Variants in ANO2 observed in about 807,000 individuals in gnomAD.
The protein encoded by ANO2 is anoctamin-2.
A neutral mutation model predicts 124.2 loss-of-function variants in ANO2; 101 were observed. That is an observed-to-expected ratio of 0.81 (90% CI 0.69 to 0.96). The LOEUF (loss-of-function observed/expected upper bound fraction) is 0.96, where lower values mean the gene tolerates loss of function less well. Among genes scored for constraint, ANO2 ranks in the 40% least tolerant of loss-of-function variants. ANO2 has a pLI of 0.00. For synonymous variants in ANO2, 486 were observed against 482.5 expected (o/e 1.01, Z -0.09); for missense variants, 1,293 against 1,274.5 (o/e 1.01, Z -0.22).
chr12:5,928,539 T>A lies in ANO2; in HGVS notation c.23-5735A>T, dbSNP rs529790013. ...CTAGTCTACCTTCCTTCCTTACTCG[T>A]CTACCTTCTTTCCTTATTAGTCACT... On this transcript the variant is annotated intron_variant, in intron 1 of 24. Transcript: ENST00000682330. Among the ~76,000 whole-genome samples the A allele has an allele frequency of 7.9e-5, 12 of 151,450 alleles. No individual in the cohort carries two copies. The South Asian group carries it at 1.1e-3, about 13-fold the overall frequency.
intron 22 of ANO2, among the ~76,000 whole-genome samples, chr12:5,576,642 T>C (rs753383405): frequency 2.0e-5 from 3 of 152,240 alleles, no homozygotes; most frequent in Non-Finnish European, 4.4e-5. Flanking sequence ...ATCTGGCATG[T>C]CTAAGTGCTC....
intron 14 of ANO2, among the ~76,000 whole-genome samples, chr12:5,648,324 T>C (rs1335718640): frequency 6.6e-6 from 1 of 152,228 alleles, no homozygotes; most frequent in Non-Finnish European, 1.5e-5. Flanking sequence ...AGCCTAATCG[T>C]TGTGCAAATT....
intron 16 of ANO2, among the ~76,000 whole-genome samples, chr12:5,616,700 T>C (rs993906897): frequency 1.3e-5 from 2 of 152,190 alleles, no homozygotes; most frequent in African/African-American, 4.8e-5. Context: ...ATAGCTTTTG[T>C]AGGAATCGCT....
chr12:5,617,338 C>T (rs61910090), intron 16 of ANO2, among the ~76,000 whole-genome samples: 26,505 of 135,990 alleles, frequency 0.19, no homozygotes, highest in African/African-American at 0.25. Flanking sequence ...AAGCTCACAC[C>T]GTACCACACC....
Position 5,907,745 on chromosome 12 carries a change from G to C in ANO2, c.534+13295C>G, listed in dbSNP as rs374329255. ...GAAGTATTTCGCCCATGAACGGTGT[G>C]GGCTACAGATCCCAGATAAGAAAAT... On this transcript the variant is annotated intron_variant, in intron 3 of 24. Coordinates refer to ENST00000682330, the MANE Select transcript of ANO2 (RefSeq NM_001364791.2). Among the ~76,000 whole-genome samples, 8 of 152,212 alleles carry C rather than the reference G, an allele frequency of 5.3e-5. No individual in the cohort carries two copies. The East Asian group carries it at 5.8e-4, about 11-fold the overall frequency.
At chr12:5,828,944 T>C (rs767253581) in intron 6 of ANO2, among the ~76,000 whole-genome samples, 54 of 152,318 alleles carry the variant, frequency 3.5e-4, no homozygotes, top group Non-Finnish European at 5.6e-4. Context: ...CAGGGCAGAA[T>C]AGACCCCAGG....
chr12:5,844,839 G>GTGTGTGTT (rs1555172474), intron 4 of ANO2, among the ~76,000 whole-genome samples: 45 of 150,978 alleles, frequency 3.0e-4, no homozygotes, highest in East Asian at 2.7e-3. Flanking sequence ...CAGTTTTTGT[G>GTGTGTGTT]TGTTTGTTTG....
chr12:5,625,472 C>T (rs938953208), intron 16 of ANO2, among the ~76,000 whole-genome samples: 1 of 152,020 alleles, frequency 6.6e-6, no homozygotes, highest in Non-Finnish European at 1.5e-5. Context: ...TGGGTGGCTG[C>T]TGGTGCCATC....
intron 14 of ANO2, among the ~76,000 whole-genome samples, chr12:5,730,639 T>C (rs1185951495): frequency 6.6e-6 from 1 of 152,188 alleles, no homozygotes; most frequent in Non-Finnish European, 1.5e-5. Flanking sequence ...GCAGCAATGC[T>C]ATGCGGTGGG....
intron 15 of ANO2, among the ~76,000 whole-genome samples, chr12:5,643,938 T>C (rs1387994621): frequency 2.6e-5 from 4 of 152,230 alleles, no homozygotes; most frequent in Admixed American, 2.0e-4. Context: ...TTGAGAGTTA[T>C]AGTTGTTGCA....
chr12:5,579,168 T>C (rs766879038), intron 20 of ANO2, among the ~76,000 whole-genome samples: 3 of 152,238 alleles, frequency 2.0e-5, no homozygotes, highest in Non-Finnish European at 2.9e-5. Context: ...AGAGCATTTA[T>C]AAATGTCAGG....
intron 10 of ANO2, among the ~76,000 whole-genome samples, chr12:5,772,161 A>T (rs1367878546): frequency 6.6e-6 from 1 of 152,240 alleles, no homozygotes; most frequent in East Asian, 1.9e-4. Flanking sequence ...GAGCAAAAAA[A>T]AATGACATGA....
At position 5,636,029 on chromosome 12, in the gene ANO2, T is replaced by C. The variant is rs181118846; in HGVS notation, c.1621-682A>G. Among the ~76,000 whole-genome samples, 3 of 152,212 alleles carry C rather than the reference T, an allele frequency of 2.0e-5. No homozygotes were observed. The East Asian group carries it at 5.8e-4, about 29-fold the overall frequency. ...ATTTTAGGAATCTCAGTCCTCAAGA[T>C]GAACAAAATATCACTGTAAGATTTC... On this transcript the variant is annotated intron_variant, in intron 15 of 24. Coordinates refer to ENST00000682330, the MANE Select transcript of ANO2 (RefSeq NM_001364791.2). The surrounding 1 kb of genome is among the most constrained non-coding windows in gnomAD (Gnocchi z 4.6).
intron 4 of ANO2, chr12:5,839,615 G>C: frequency 2.2e-6 from 1 of 455,964 alleles, no homozygotes; most frequent in Non-Finnish European, 4.4e-6. Flanking sequence ...TAGATGTCCA[G>C]TCCTGAGCTT....
In ANO2 at chr12:5,826,010, T is replaced by A. The variant is rs141579991; in HGVS notation, c.892+1759A>T. ...AACGAGGACTGCCAATTGTCATGAG[T>A]ATTTCCTTCTTTTGTTAAAAACATG... On this transcript the variant is annotated intron_variant, in intron 7 of 24. Transcript: ENST00000682330. 5.9e-5 allele frequency among the ~76,000 whole-genome samples: 9 copies of A among 152,356 alleles called. No homozygotes were observed. The East Asian group carries it at 1.5e-3, about 26-fold the overall frequency.
intron 3 of ANO2, among the ~76,000 whole-genome samples, chr12:5,917,556 CTCTTTTT>C (rs201315231): frequency 0.13 from 19,348 of 143,686 alleles, 1,283 homozygotes; most frequent in South Asian, 0.18. Context: ...TATTATTATT[CTCTTTTT>C]TCTTTTTTTT....
intron 10 of ANO2, among the ~76,000 whole-genome samples, chr12:5,764,087 A>G (rs1191932537): frequency 6.6e-6 from 1 of 151,446 alleles, no homozygotes; most frequent in East Asian, 1.9e-4. Context: ...TGATGAGAAA[A>G]GGTAGGAGAG....
chr12:5,725,428 C>T (rs1405829489), intron 14 of ANO2, among the ~76,000 whole-genome samples: 1 of 152,154 alleles, frequency 6.6e-6, no homozygotes. Context: ...AGACTTATTG[C>T]CTGGACTTTC....
rs1396784302 is a variant in ANO2, at chr12:5,714,672, C to T, written c.1545+17848G>A. On this transcript the variant is annotated intron_variant, in intron 14 of 24. Coordinates refer to ENST00000682330, the MANE Select transcript of ANO2 (RefSeq NM_001364791.2). ...TCTCTTTATTCTTCTCCTCCTCCTT[C>T]TTCTTCCTCCTCTTCTTCCCTTTTA... 2.6e-5 allele frequency among the ~76,000 whole-genome samples: 4 copies of T among 152,198 alleles called. No individual in the cohort carries two copies. In the East Asian group the frequency reaches 7.7e-4, roughly 29 times the overall value.
Sources: allele counts gnomAD v4.1 joint callset (sites outside exome capture counted in the v4.1 genomes callset), GRCh38; gene constraint gnomAD v4.1.1; non-coding constraint Gnocchi (gnomAD v3.1); transcripts MANE v1.5; gene names NCBI Gene and HGNC (gene_info 2026-07-23, HGNC 2026-07-21).